FAM193A: variants seen among roughly 807,000 people sequenced by gnomAD.
FAM193A encodes protein FAM193A.
Under a neutral mutation model 126.5 loss-of-function variants are expected in FAM193A, and 22 were observed. That is an observed-to-expected ratio of 0.17 (90% CI 0.12 to 0.25). The LOEUF is 0.25. Ranked by LOEUF, FAM193A falls within the 10% of genes least tolerant of loss-of-function variation. FAM193A has a pLI of 1.00. For synonymous variants in FAM193A, 761 were observed against 646.8 expected, an observed-to-expected ratio of 1.18 and a Z score of -2.68; for missense variants, 1,675 against 1,672.8, an observed-to-expected ratio of 1.00 and a Z score of -0.02.
intron 1 of FAM193A, among the ~76,000 whole-genome samples, chr4:2,558,508 A>G (rs1738409554): frequency 6.6e-6 from 1 of 152,136 alleles, no homozygotes; most frequent in Non-Finnish European, 1.5e-5. Context: ...CAGGCTTTCA[A>G]GTACCTGGGA....
At chr4:2,536,252 C>T (rs1189146344), upstream of FAM193A, among the ~76,000 whole-genome samples, 1 of 151,744 alleles carries the variant, frequency 6.6e-6, no homozygotes, top group Non-Finnish European at 1.5e-5. Flanking sequence ...CGGGCGGCGG[C>T]GCGGCCTCCT....
chr4:2,558,126 G>C (rs963649417), intron 1 of FAM193A, among the ~76,000 whole-genome samples: 2 of 152,024 alleles, frequency 1.3e-5, no homozygotes, highest in Non-Finnish European at 2.9e-5. Flanking sequence ...ATGAAAGTTA[G>C]CTGAGTGTGG....
intron 1 of FAM193A, among the ~76,000 whole-genome samples, chr4:2,539,033 G>C (rs1321091346): frequency 6.6e-6 from 1 of 152,020 alleles, no homozygotes; most frequent in African/African-American, 2.4e-5. Context: ...TGGGACTACA[G>C]GTACCTGCCA....
At chr4:2,624,451 CTCTT>C (rs1742765013) in intron 2 of FAM193A, among the ~76,000 whole-genome samples, 1 of 152,166 alleles carries the variant, frequency 6.6e-6, no homozygotes, top group African/African-American at 2.4e-5. Flanking sequence ...GCCAAGTGTT[CTCTT>C]TCTTAAGCCT....
At chr4:2,609,606 A>G (rs1741740601) in intron 2 of FAM193A, among the ~76,000 whole-genome samples, 1 of 152,192 alleles carries the variant, frequency 6.6e-6, no homozygotes, top group South Asian at 2.1e-4. Context: ...TATAGTCCCA[A>G]CTTAAGCCAT....
chr4:2,641,563 A>G (rs1744631203), intron 6 of FAM193A, among the ~76,000 whole-genome samples: 2 of 151,070 alleles, frequency 1.3e-5, no homozygotes, highest in Non-Finnish European at 1.5e-5. Flanking sequence ...GCTGAGGCAG[A>G]AGAATGGCGT....
chr4:2,693,881 C>G lies in FAM193A; in HGVS notation c.3092+7C>G, dbSNP rs1226332638. 3.1e-6 allele frequency: 5 copies of G among 1,609,812 alleles called. No individual in the cohort carries two copies. The African/African-American group carries it at 6.7e-5, about 22-fold the overall frequency. ...CCCCTCCAAGTGTCTGCAGGTGAGC[C>G]AAGTCCTGACTGGGGACGTGGGAGC... On this transcript the variant is annotated splice_region_variant and intron_variant, in intron 16 of 20. Coordinates refer to ENST00000637812, the MANE Select transcript of FAM193A (RefSeq NM_001366318.2).
intron 2 of FAM193A, among the ~76,000 whole-genome samples, chr4:2,603,994 C>T (rs985073044): frequency 1.3e-5 from 2 of 151,696 alleles, no homozygotes; most frequent in African/African-American, 4.8e-5. Flanking sequence ...AGGCGTGTGT[C>T]ACCATGCCCA....
intron 7 of FAM193A, among the ~76,000 whole-genome samples, chr4:2,652,659 G>A (rs549985386): frequency 2.6e-5 from 4 of 152,216 alleles, no homozygotes; most frequent in East Asian, 1.9e-4. Context: ...CTGCCCCCAT[G>A]ATCTGATCAC....
intron 2 of FAM193A, among the ~76,000 whole-genome samples, chr4:2,609,773 T>C (rs1016028114): frequency 2.0e-5 from 3 of 151,464 alleles, no homozygotes; most frequent in Non-Finnish European, 4.4e-5. Context: ...ACTAAAAATA[T>C]AAAAAATCAG....
intron 1 of FAM193A, among the ~76,000 whole-genome samples, chr4:2,578,788 G>A (rs936504245): frequency 6.6e-6 from 1 of 152,064 alleles, no homozygotes; most frequent in Non-Finnish European, 1.5e-5. Flanking sequence ...AAAATAAAAT[G>A]TTATATTTAC....
At chr4:2,551,948 C>T (rs978036658) in intron 1 of FAM193A, among the ~76,000 whole-genome samples, 6 of 151,042 alleles carry the variant, frequency 4.0e-5, no homozygotes, top group Non-Finnish European at 8.8e-5. Flanking sequence ...TCAAGGGATC[C>T]TTCCACCTCA....
intron 2 of FAM193A, among the ~76,000 whole-genome samples, chr4:2,599,697 T>C (rs765950349): frequency 7.9e-5 from 12 of 152,090 alleles, no homozygotes; most frequent in Non-Finnish European, 5.9e-5. Context: ...TCTTGATCAT[T>C]GTCTGTCTTT....
At chr4:2,651,316 G>A (rs1181028943) in intron 7 of FAM193A, among the ~76,000 whole-genome samples, 4 of 152,010 alleles carry the variant, frequency 2.6e-5, no homozygotes, top group African/African-American at 7.3e-5. Flanking sequence ...GGCAACAAGA[G>A]TGAAACTCTG....
rs1003409504 is a variant in FAM193A, at chr4:2,690,661, C to T, written c.2531-37C>T. ...TTTAGGGTTTAGCTAAGTATGATTG[C>T]TGTCAGAAGCCTTAATTTTCCTGTT... is the stretch of plus-strand genomic sequence containing the variant. On this transcript the variant is annotated intron_variant, in intron 14 of 20. Coordinates refer to ENST00000637812, the MANE Select transcript of FAM193A (RefSeq NM_001366318.2). 7.0e-6 allele frequency: 11 copies of T among 1,575,890 alleles called. No individual in the cohort carries two copies. The African/African-American group carries it at 1.4e-4, about 20-fold the overall frequency.
At chr4:2,695,917 T>C (rs1185277928) in intron 17 of FAM193A, among the ~76,000 whole-genome samples, 2 of 151,940 alleles carry the variant, frequency 1.3e-5, no homozygotes, top group African/African-American at 4.8e-5. Flanking sequence ...ATAAAGAAAA[T>C]TAGCTGAGTG....
At chr4:2,537,474 C>T (rs550243495) in intron 1 of FAM193A, among the ~76,000 whole-genome samples, 1 of 152,306 alleles carries the variant, frequency 6.6e-6, no homozygotes, top group Admixed American at 6.5e-5. Context: ...TGGAGCAGCC[C>T]CTCAACGGGC....
At chr4:2,633,657 C>T (rs544539507) in intron 5 of FAM193A, among the ~76,000 whole-genome samples, 10 of 151,578 alleles carry the variant, frequency 6.6e-5, no homozygotes, top group African/African-American at 1.7e-4. Context: ...TTTGGGAGGC[C>T]GAGGTGGTTG....
chr4:2,636,057 T>G (rs967584299), intron 5 of FAM193A, among the ~76,000 whole-genome samples: 1 of 151,762 alleles, frequency 6.6e-6, no homozygotes, highest in African/African-American at 2.4e-5. Context: ...TGTCTTTTTG[T>G]GTTTTTTTTG....
Sources: allele counts gnomAD v4.1 joint callset (sites outside exome capture counted in the v4.1 genomes callset), GRCh38; gene constraint gnomAD v4.1.1; transcripts MANE v1.5; gene names NCBI Gene and HGNC (gene_info 2026-07-23, HGNC 2026-07-21).